The following TTC28 variants were observed in gnomAD, a reference collection of about 807,000 sequenced individuals.
The protein encoded by TTC28 is tetratricopeptide repeat protein 28.
A neutral mutation model predicts 198.0 loss-of-function variants in TTC28; 61 were observed. The observed-to-expected ratio is 0.31, with a 90% CI of 0.25 to 0.38. The LOEUF (loss-of-function observed/expected upper bound fraction) is 0.38. Among genes scored for constraint, TTC28 ranks in the 10% least tolerant of loss-of-function variants. The pLI, the probability that TTC28 is intolerant of heterozygous loss-of-function variation, is 1.00. For synonymous variants in TTC28, 1,171 were observed against 1,297.8 expected, an observed-to-expected ratio of 0.90 and a Z score of 2.10; for missense variants, 2,678 against 3,164.0, an observed-to-expected ratio of 0.85 and a Z score of 3.69.
intron 12 of TTC28, among the ~76,000 whole-genome samples, chr22:28,055,357 C>T (rs1434132105): frequency 6.6e-6 from 1 of 152,066 alleles, no homozygotes; most frequent in African/African-American, 2.4e-5. Flanking sequence ...CAAATCAATA[C>T]TTCTAAAGGA....
At chr22:28,444,785 A>G (rs1025957878) in intron 2 of TTC28, among the ~76,000 whole-genome samples, 7 of 152,212 alleles carry the variant, frequency 4.6e-5, no homozygotes, top group African/African-American at 1.7e-4. Context: ...AAAAAACTTA[A>G]TAAGTACTAC....
At position 28,141,660 on chromosome 22, in the gene TTC28, C is replaced by G. The variant is rs116800823; in HGVS notation, c.1441+21432G>C. On this transcript the variant is annotated intron_variant, in intron 6 of 22. Transcript: ENST00000397906. ...TAGAAACTGAAGGAACCCTTTACAA[C>G]TGTAGCAGTGTGCTCTTTTTCACAC... Among the ~76,000 whole-genome samples, 815 of 152,302 alleles carry G rather than the reference C, an allele frequency of 5.4e-3. 7 individuals are homozygous for G. Among genetic ancestry groups the G allele is most frequent in the African/African-American group, 0.019 (796 of 41,560 alleles).
intron 1 of TTC28, among the ~76,000 whole-genome samples, chr22:28,630,913 T>A (rs912325759): frequency 9.9e-5 from 15 of 152,204 alleles, no homozygotes; most frequent in African/African-American, 3.6e-4. Context: ...AATACAAACA[T>A]ATATGGACAC....
chr22:28,503,456 T>G (rs916742012), intron 2 of TTC28, among the ~76,000 whole-genome samples: 1 of 152,180 alleles, frequency 6.6e-6, no homozygotes, highest in Non-Finnish European at 1.5e-5. Flanking sequence ...GTTGAATAAA[T>G]GAACAAGTTT....
chr22:28,179,221 G>A (rs1292489702), intron 5 of TTC28, among the ~76,000 whole-genome samples: 1 of 150,150 alleles, frequency 6.7e-6, no homozygotes, highest in Non-Finnish European at 1.5e-5. Flanking sequence ...GTGCAGTGGT[G>A]CAATCTCAGC....
intron 2 of TTC28, among the ~76,000 whole-genome samples, chr22:28,543,944 G>A (rs987020175): frequency 6.6e-6 from 1 of 152,176 alleles, no homozygotes; most frequent in Non-Finnish European, 1.5e-5. Context: ...CTTGTGGCTG[G>A]GTGTGGTGGC....
intron 5 of TTC28, among the ~76,000 whole-genome samples, chr22:28,250,194 C>T (rs753978032): frequency 7.9e-5 from 12 of 152,196 alleles, no homozygotes; most frequent in Non-Finnish European, 1.2e-4. Context: ...AGAATTCTAT[C>T]AGCACAGTAC....
intron 2 of TTC28, among the ~76,000 whole-genome samples, chr22:28,490,445 G>A (rs757196154): frequency 4.6e-5 from 7 of 152,096 alleles, no homozygotes; most frequent in South Asian, 2.1e-4. Flanking sequence ...TTGTGTGCTC[G>A]TTCTTTCACA....
chr22:28,669,302 TAAA>T (rs368983463), intron 1 of TTC28, among the ~76,000 whole-genome samples: 1 of 117,352 alleles, frequency 8.5e-6, no homozygotes, highest in African/African-American at 3.1e-5. Flanking sequence ...TAGAGTATAA[TAAA>T]AAAAAAAAAA....
intron 12 of TTC28, among the ~76,000 whole-genome samples, chr22:28,089,117 G>T (rs1188673104): frequency 6.6e-6 from 1 of 152,092 alleles, no homozygotes; most frequent in African/African-American, 2.4e-5. Flanking sequence ...GATTCCTCAG[G>T]GATCTAGAAC....
intron 2 of TTC28, among the ~76,000 whole-genome samples, chr22:28,328,692 T>C (rs2045569028): frequency 1.3e-5 from 2 of 150,812 alleles, no homozygotes; most frequent in South Asian, 4.2e-4. Context: ...AGGCAGAGGT[T>C]GCAGAGAGCC....
chr22:28,262,476 C>A (rs1458220511), intron 5 of TTC28, among the ~76,000 whole-genome samples: 1 of 152,088 alleles, frequency 6.6e-6, no homozygotes, highest in African/African-American at 2.4e-5. Flanking sequence ...CAATTTGTTT[C>A]TTTGATCTTC....
intron 5 of TTC28, among the ~76,000 whole-genome samples, chr22:28,166,391 A>T (rs1436516118): frequency 6.6e-6 from 1 of 152,152 alleles, no homozygotes; most frequent in Non-Finnish European, 1.5e-5. Context: ...GCACCACACC[A>T]CACCTATTCC....
At position 28,108,195 on chromosome 22, in the gene TTC28, G is replaced by A. The variant is rs9625408; in HGVS notation, c.1650C>T (p.Arg550=). Residue 550 remains arginine (R), a synonymous_variant, in exon 7 of 23, where the codon CGC becomes CGT. Transcript: ENST00000397906. The part of the protein sequence containing the change: ...ELQISMEVND[R]ASQASTHGNL... Reference sequence around the variant, plus strand: ...TCCCATGTGTGGAGGCCTGTGAGGCGCGGTCATTCACTTCCATGGAGATCT... The same window carrying A: ...TCCCATGTGTGGAGGCCTGTGAGGCACGGTCATTCACTTCCATGGAGATCT... 120,593 of 1,551,640 alleles carry A rather than the reference G, an allele frequency of 0.078. 5,154 individuals are homozygous for A. The highest frequency in any genetic ancestry group is 0.089 in the South Asian group (7,479 of 84,050).
intron 2 of TTC28, among the ~76,000 whole-genome samples, chr22:28,537,193 C>T (rs905184806): frequency 1.3e-5 from 2 of 151,022 alleles, no homozygotes; most frequent in South Asian, 2.1e-4. Context: ...CTCGGGAGGC[C>T]GAGGCAGGAG....
At chr22:28,032,793 G>C (rs1939187103) in intron 12 of TTC28, among the ~76,000 whole-genome samples, 2 of 152,056 alleles carry the variant, frequency 1.3e-5, no homozygotes, top group Non-Finnish European at 2.9e-5. Context: ...TCTCTCCTGG[G>C]GTTTGACTTC....
chr22:28,628,556 C>T (rs76626064), intron 2 of TTC28, among the ~76,000 whole-genome samples: 2,420 of 152,194 alleles, frequency 0.016, 86 homozygotes, highest in African/African-American at 0.056. Context: ...ATTATTCATC[C>T]TATATATCTG....
chr22:28,591,632 T>A (rs1263502435), intron 2 of TTC28, among the ~76,000 whole-genome samples: 2 of 152,216 alleles, frequency 1.3e-5, no homozygotes, highest in African/African-American at 4.8e-5. Context: ...AAAGGACCCA[T>A]GTACCCTTCA....
chr22:28,181,334 C>A (rs971657313), intron 5 of TTC28, among the ~76,000 whole-genome samples: 2 of 152,084 alleles, frequency 1.3e-5, no homozygotes, highest in Non-Finnish European at 2.9e-5. Flanking sequence ...AATAAGAAAA[C>A]AAGCTTTCTG....
Sources: allele counts gnomAD v4.1 joint callset (sites outside exome capture counted in the v4.1 genomes callset), GRCh38; gene constraint gnomAD v4.1.1; transcripts MANE v1.5; gene names NCBI Gene and HGNC (gene_info 2026-07-23, HGNC 2026-07-21).